The following TTI2 variants were observed in gnomAD, a reference collection of about 807,000 sequenced individuals.
TTI2 encodes the protein TELO2 interacting protein 2, also known as TELO2-interacting protein 2.
In TTI2, 26 loss-of-function variants were observed where a neutral mutation model predicts 44.9. That is an observed-to-expected ratio of 0.58 (90% CI 0.42 to 0.80). The LOEUF is 0.80. Among genes scored for constraint, TTI2 ranks in the 30% least tolerant of loss-of-function variants. The pLI is 0.00. For synonymous variants in TTI2, 254 were observed against 250.9 expected, an observed-to-expected ratio of 1.01 and a Z score of -0.12; for missense variants, 582 against 611.6, an observed-to-expected ratio of 0.95 and a Z score of 0.51.
chr8:33,503,139 A>AAAC (rs1563351555), intron 6 of TTI2, among the ~76,000 whole-genome samples: 1 of 90,426 alleles, frequency 1.1e-5, no homozygotes, highest in Non-Finnish European at 2.5e-5. Flanking sequence ...AAAAAAAAAA[A>AAAC]AAAAAAAAAC....
chr8:33,505,677 C>T (rs560046168), intron 4 of TTI2, among the ~76,000 whole-genome samples: 3 of 151,260 alleles, frequency 2.0e-5, no homozygotes, highest in South Asian at 4.2e-4. Flanking sequence ...GTTTTTTAGA[C>T]GGAGTGTTAC....
intron 4 of TTI2, among the ~76,000 whole-genome samples, chr8:33,506,690 C>CT (rs778836986): frequency 0.019 from 2,117 of 114,412 alleles, 57 homozygotes; most frequent in African/African-American, 0.058. Context: ...CAGTGCCAGG[C>CT]TTTTTTTTTT....
rs763542420 is a variant in TTI2, at chr8:33,503,815, T to C, written c.1048A>G (p.Met350Val). The change falls in exon 5 of 8, where the codon ATG becomes GTG. Residue 350 changes from methionine to valine, a missense_variant. Transcript: ENST00000431156. The stretch of plus-strand genomic sequence containing the variant: ...AAAAGAAGGCGGTGCTCTGGCTCCA[T>C]GTGGGTCAGGATCAGCCGCAGGACC... ...DEVLRLILTHMEPEHRLLLRR... is the reference protein window; with the variant it reads ...DEVLRLILTHVEPEHRLLLRR... The C allele has an allele frequency of 3.7e-6, 6 of 1,614,112 alleles. No homozygotes were observed. Among genetic ancestry groups the C allele is most frequent in the Non-Finnish European group, 5.1e-6 (6 of 1,180,026 alleles).
intron 5 of TTI2, 54 bp downstream of exon 5, chr8:33,503,694 A>T: frequency 1.9e-6 from 3 of 1,610,798 alleles, no homozygotes; most frequent in African/African-American, 1.3e-5. Context: ...CTCAAGCAAC[A>T]TAGCAAGATC....
intron 2 of TTI2, 82 bp from the exon 3 acceptor site, chr8:33,510,014 A>G: frequency 3.5e-6 from 4 of 1,137,656 alleles, no homozygotes; most frequent in Non-Finnish European, 5.0e-6. Context: ...TTCAAGCTAA[A>G]CAGAGTATTT....
At chr8:33,511,335 G>GC (rs1324536562) in intron 2 of TTI2, among the ~76,000 whole-genome samples, 2 of 151,866 alleles carry the variant, frequency 1.3e-5, no homozygotes, top group African/African-American at 2.4e-5. Context: ...GAGCCACCTC[G>GC]CCCGGCCACA....
intron 6 of TTI2, chr8:33,500,695 C>T: frequency 1.8e-6 from 1 of 547,550 alleles, no homozygotes. Context: ...ACTGCCTATA[C>T]ACACAGACAC....
At chr8:33,508,791 C>T (rs1809400678) in intron 3 of TTI2, among the ~76,000 whole-genome samples, 1 of 151,902 alleles carries the variant, frequency 6.6e-6, no homozygotes, top group African/African-American at 2.4e-5. Flanking sequence ...ATAGCTTCCA[C>T]ATTTGGATAT....
Position 33,512,494 on chromosome 8 carries a change from C to A in TTI2, c.120G>T (p.Pro40=), listed in dbSNP as rs765533587. The change falls in exon 2 of 8, where the codon CCG becomes CCT. Residue 40 remains proline (P), a synonymous_variant. Transcript: ENST00000431156. ...FSKILHCLAR[P]EARRGNVKDA... The stretch of plus-strand genomic sequence containing the variant: ...CTTTTACATTGCCTCGTCGTGCCTC[C>A]GGGCGGGCAAGACAGTGTAAAATCT... 8.7e-6 allele frequency: 14 copies of A among 1,614,012 alleles called. No individual in the cohort carries two copies. In the South Asian group the frequency reaches 1.5e-4, roughly 18 times the overall value.
At chr8:33,503,139 A>AAC (rs1554526839) in intron 6 of TTI2, among the ~76,000 whole-genome samples, 6 of 90,474 alleles carry the variant, frequency 6.6e-5, no homozygotes, top group East Asian at 2.9e-4. Context: ...AAAAAAAAAA[A>AAC]AAAAAAAAAC....
In TTI2 at chr8:33,512,601, T is replaced by G. The variant is rs767555250; in HGVS notation, c.13A>C (p.Ser5Arg). The change falls in exon 2 of 8, where the codon AGC (serine) becomes CGC (arginine). Residue 5 changes from serine (S) to arginine (R), a missense_variant. Transcript: ENST00000431156. ...TCCTGCGATGGGGCTTCCAGAGCGC[T>G]GTCAAGCTCCATTCCTGACTGCAGC... MELDSALEAPSQEDS... is the reference protein window; with the variant it reads MELDRALEAPSQEDS... 1 of 1,613,274 alleles carries G rather than the reference T, an allele frequency of 6.2e-7. No individual in the cohort carries two copies. The highest frequency in any genetic ancestry group is 2.2e-5 in the East Asian group (1 of 44,878).
intron 3 of TTI2, among the ~76,000 whole-genome samples, chr8:33,507,840 A>G (rs1473200338): frequency 1.3e-5 from 2 of 151,512 alleles, no homozygotes; most frequent in African/African-American, 4.8e-5. Flanking sequence ...AAATTAAAAA[A>G]TTAGTTGGCC....
At chr8:33,504,288 CAT>C (rs1809216836) in intron 4 of TTI2, among the ~76,000 whole-genome samples, 3 of 55,782 alleles carry the variant, frequency 5.4e-5, no homozygotes, top group Non-Finnish European at 1.1e-4. Flanking sequence ...GATATTTACA[CAT>C]TTTTTTTTTT....
In TTI2 at chr8:33,503,929, G is replaced by A. The variant is rs776062163; in HGVS notation, c.934C>T (p.Leu312Phe). The change falls in exon 5 of 8, where the codon CTC becomes TTC. Residue 312 changes from leucine (L) to phenylalanine (F), a missense_variant. Coordinates refer to ENST00000431156, the MANE Select transcript of TTI2 (RefSeq NM_001102401.4). ...GGGAATAAATCCAGCAGACACAGGA[G>A]CACAGCCTAGGAGGAAGGAATGGAA... is the stretch of plus-strand genomic sequence containing the variant. ...TPEHHLIQAV[L>F]LCLLDLFPIL... 2.0e-5 allele frequency: 32 copies of A among 1,613,898 alleles called. No individual in the cohort carries two copies. The highest frequency in any genetic ancestry group is 2.5e-5 in the Non-Finnish European group (30 of 1,180,012).
At position 33,512,496 on chromosome 8, in the gene TTI2, G is replaced by C. The variant is rs78781527; in HGVS notation, c.118C>G (p.Pro40Ala). 2.5e-6 allele frequency: 4 copies of C among 1,614,082 alleles called. No individual in the cohort carries two copies. In the South Asian group the frequency reaches 3.3e-5, roughly 13 times the overall value. The part of the protein sequence containing the change: ...FSKILHCLAR[P>A]EARRGNVKDA... The stretch of plus-strand genomic sequence containing the variant: ...TTTACATTGCCTCGTCGTGCCTCCG[G>C]GCGGGCAAGACAGTGTAAAATCTTG... The change falls in exon 2 of 8, where the codon CCG becomes GCG. Residue 40 changes from proline (P) to alanine (A), a missense_variant. By Grantham distance (27) the Pro-to-Ala change is conservative (BLOSUM62 -1). Coordinates refer to ENST00000431156, the MANE Select transcript of TTI2 (RefSeq NM_001102401.4).
chr8:33,511,864 G>A lies in TTI2; in HGVS notation c.647+103C>T, dbSNP rs562445810. 1.2e-5 allele frequency: 16 copies of A among 1,346,094 alleles called. 1 individual carries two copies. The African/African-American group carries it at 2.1e-4, about 17-fold the overall frequency. The allele number at this position is 1,346,094 out of a possible 1,614,324, so 83.4% of individuals were successfully genotyped here. ...AGATCGCAACATTGCACTCCACCCTGGGCAACAAGAGTGAAACTCTGTCTC... is the reference window on the plus strand; with the variant it reads ...AGATCGCAACATTGCACTCCACCCTAGGCAACAAGAGTGAAACTCTGTCTC... On this transcript the variant is annotated intron_variant, in intron 2 of 7. Transcript: ENST00000431156.
chr8:33,506,371 T>C (rs1809292527), intron 4 of TTI2, among the ~76,000 whole-genome samples: 1 of 150,180 alleles, frequency 6.7e-6, no homozygotes, highest in African/African-American at 2.4e-5. Context: ...GACATAAAGC[T>C]GCCTCCAAAG....
intron 1 of TTI2, 139 bp downstream of exon 1, chr8:33,512,943 G>A (rs1809616616): frequency 4.7e-6 from 1 of 212,848 alleles, no homozygotes; most frequent in Non-Finnish European, 9.5e-6. Flanking sequence ...GACTCTCAGG[G>A]AGTAAAAGAG....
intron 4 of TTI2, 117 bp from the exon 5 acceptor site, chr8:33,504,052 T>C (rs2128828245): frequency 1.9e-6 from 2 of 1,045,346 alleles, no homozygotes; most frequent in Non-Finnish European, 2.9e-6. Flanking sequence ...CAGAGAATTC[T>C]AAGATACTAG....
Sources: allele counts gnomAD v4.1 joint callset (sites outside exome capture counted in the v4.1 genomes callset), GRCh38; gene constraint gnomAD v4.1.1; transcripts MANE v1.5; gene names NCBI Gene and HGNC (gene_info 2026-07-23, HGNC 2026-07-21).